The following CNTN4 variants were observed in gnomAD, a reference collection of about 807,000 sequenced individuals.
CNTN4 encodes contactin 4.
A neutral mutation model predicts 122.5 loss-of-function variants in CNTN4; 77 were observed. The observed-to-expected ratio is 0.63, with a 90% CI of 0.52 to 0.76. CNTN4 has a LOEUF of 0.76. Ranked by LOEUF, CNTN4 falls within the 30% of genes least tolerant of loss-of-function variation. CNTN4 has a pLI of 0.00. For missense variants in CNTN4, 1,256 were observed against 1,259.1 expected (o/e 1.00, Z 0.04); for synonymous variants, 512 against 447.0 (o/e 1.15, Z -1.83).
At chr3:2,814,602 T>C (rs1482725432) in intron 6 of CNTN4, among the ~76,000 whole-genome samples, 2 of 152,220 alleles carry the variant, frequency 1.3e-5, no homozygotes, top group African/African-American at 4.8e-5. Flanking sequence ...CCATATTCAC[T>C]GAGTGTAAAT....
At chr3:2,156,754 C>T (rs1348993879) in intron 2 of CNTN4, among the ~76,000 whole-genome samples, 1 of 152,090 alleles carries the variant, frequency 6.6e-6, no homozygotes, top group African/African-American at 2.4e-5. Context: ...CTTCTGGCCC[C>T]AGTTTTGGTA....
chr3:2,876,512 G>A (rs995947741), intron 8 of CNTN4, among the ~76,000 whole-genome samples: 6 of 151,906 alleles, frequency 3.9e-5, no homozygotes, highest in African/African-American at 1.5e-4. Flanking sequence ...GTTAGTAAAT[G>A]TCCCTTCTGT....
At chr3:2,720,567 C>T (rs1034567687) in intron 4 of CNTN4, among the ~76,000 whole-genome samples, 1 of 152,054 alleles carries the variant, frequency 6.6e-6, no homozygotes, top group Non-Finnish European at 1.5e-5. Flanking sequence ...AATTTGTGTC[C>T]ATGGTGATTT....
intron 2 of CNTN4, among the ~76,000 whole-genome samples, chr3:2,227,186 A>G (rs1446053298): frequency 6.6e-6 from 1 of 152,162 alleles, no homozygotes; most frequent in East Asian, 1.9e-4. Flanking sequence ...AAAGAGACCT[A>G]CTTTGTGGAT....
chr3:2,551,420 A>G (rs2078501729), intron 3 of CNTN4, among the ~76,000 whole-genome samples: 2 of 151,800 alleles, frequency 1.3e-5, no homozygotes, highest in South Asian at 4.2e-4. Context: ...AAATACACAC[A>G]AGATTTTCTT....
At chr3:2,279,581 A>T (rs937408599) in intron 2 of CNTN4, among the ~76,000 whole-genome samples, 22 of 152,222 alleles carry the variant, frequency 1.4e-4, no homozygotes, top group Admixed American at 3.9e-4. Context: ...TGACTGAAGA[A>T]ACAGAATCAG....
At chr3:2,503,849 A>G (rs760234966) in intron 3 of CNTN4, among the ~76,000 whole-genome samples, 3 of 152,042 alleles carry the variant, frequency 2.0e-5, no homozygotes, top group African/African-American at 7.2e-5. Context: ...AAAGGAGGTT[A>G]CTGGGGGGTT....
Position 2,887,306 on chromosome 3 carries a change from C to T in CNTN4, c.940+82C>T, listed in dbSNP as rs931777823. On this transcript the variant is annotated intron_variant, in intron 10 of 24. Coordinates refer to ENST00000418658, the MANE Select transcript of CNTN4 (RefSeq NM_175607.3). ...AATCATAAGCTGAGAGGCATTCAGG[C>T]ATTTTGGGAGAGATGGTGCAGAATA... is the stretch of plus-strand genomic sequence containing the variant. 43 of 1,292,144 alleles carry T rather than the reference C, an allele frequency of 3.3e-5. No homozygotes were observed. In the East Asian group the frequency reaches 1.0e-3, roughly 30 times the overall value. 80.0% of individuals were successfully genotyped at this position (1,292,144 alleles called of 1,614,324 possible). A position where few individuals can be genotyped will look rare whatever the true frequency, so the allele number is the denominator to read the frequency against.
At chr3:2,595,087 G>A (rs569355735) in intron 4 of CNTN4, among the ~76,000 whole-genome samples, 1 of 152,136 alleles carries the variant, frequency 6.6e-6, no homozygotes, top group Non-Finnish European at 1.5e-5. Context: ...ACATTAGTGG[G>A]AACAGTACAT....
At chr3:2,888,923 G>A (rs554968905) in intron 10 of CNTN4, among the ~76,000 whole-genome samples, 1 of 152,042 alleles carries the variant, frequency 6.6e-6, no homozygotes, top group African/African-American at 2.4e-5. Flanking sequence ...CCTGTTTACA[G>A]CTTCTGGCCA....
chr3:2,443,825 T>C (rs6442729), intron 3 of CNTN4, among the ~76,000 whole-genome samples: 8,997 of 152,160 alleles, frequency 0.059, 1,128 homozygotes, highest in East Asian at 0.54. Flanking sequence ...CCCATTTACT[T>C]AGTTAAGCAG....
chr3:2,608,685 G>A (rs977733221), intron 4 of CNTN4, among the ~76,000 whole-genome samples: 1 of 150,914 alleles, frequency 6.6e-6, no homozygotes, highest in Non-Finnish European at 1.5e-5. Flanking sequence ...GTTTCACCGT[G>A]TTGGCCAGGC....
intron 3 of CNTN4, among the ~76,000 whole-genome samples, chr3:2,535,396 A>G (rs549245730): frequency 6.6e-5 from 10 of 152,126 alleles, no homozygotes; most frequent in Admixed American, 4.6e-4. Flanking sequence ...ATTCTCTTTC[A>G]TTTGATCATA....
At chr3:3,019,708 G>A (rs1471839716) in intron 14 of CNTN4, among the ~76,000 whole-genome samples, 1 of 151,040 alleles carries the variant, frequency 6.6e-6, no homozygotes, top group Non-Finnish European at 1.5e-5. Flanking sequence ...CTGTGTGTGT[G>A]TGTAGGTGTA....
intron 3 of CNTN4, among the ~76,000 whole-genome samples, chr3:2,521,919 A>G (rs952203738): frequency 2.6e-5 from 4 of 152,086 alleles, no homozygotes; most frequent in Non-Finnish European, 5.9e-5. Context: ...CGTGCTTATC[A>G]CTAAAGAGAG....
intron 6 of CNTN4, among the ~76,000 whole-genome samples, chr3:2,771,099 A>G (rs2091076693): frequency 6.6e-6 from 1 of 152,228 alleles, no homozygotes; most frequent in Non-Finnish European, 1.5e-5. Context: ...GTCAGCACTT[A>G]AAGCAAAATG....
chr3:2,547,893 C>T lies in CNTN4; in HGVS notation c.-88-23523C>T, dbSNP rs535815590. Among the ~76,000 whole-genome samples the T allele has an allele frequency of 2.4e-4, 37 of 152,142 alleles. 1 individual carries two copies. Among genetic ancestry groups the T allele is most frequent in the South Asian group, 2.3e-3 (11 of 4,814 alleles). ...TATTTCTTGTTTTCACAGAGACATG[C>T]GTATTAAAGCTAACTGAAGAAGGCA... On this transcript the variant is annotated intron_variant, in intron 3 of 24. Transcript: ENST00000418658.
chr3:2,971,850 T>G (rs1692955402), intron 13 of CNTN4, among the ~76,000 whole-genome samples: 1 of 152,180 alleles, frequency 6.6e-6, no homozygotes, highest in African/African-American at 2.4e-5. Flanking sequence ...ATTTGCAAAT[T>G]AGGTTGTAAA....
At chr3:2,573,788 C>T (rs553006890) in intron 4 of CNTN4, among the ~76,000 whole-genome samples, 16 of 152,232 alleles carry the variant, frequency 1.1e-4, no homozygotes, top group East Asian at 3.9e-4. Flanking sequence ...CTGTTTTACA[C>T]GGCATTAATA....
Sources: gnomAD v4.1 joint callset for allele counts (sites outside exome capture counted in the v4.1 genomes callset) on GRCh38, gnomAD v4.1.1 for gene constraint, MANE v1.5 for transcripts, NCBI Gene and HGNC (gene_info 2026-07-23, HGNC 2026-07-21) for gene names.